SLC25A24: variants seen among roughly 807,000 people sequenced by gnomAD.
SLC25A24 encodes mitochondrial adenyl nucleotide antiporter SLC25A24.
SLC25A24 carries 49 observed loss-of-function variants against 60.7 expected under a neutral mutation model. That is an observed-to-expected ratio of 0.81 (90% CI 0.64 to 1.02). SLC25A24 has a LOEUF of 1.02. Ranked by LOEUF, SLC25A24 falls within the 50% of genes least tolerant of loss-of-function variation. The probability of loss-of-function intolerance (pLI) is 0.00; values close to 1 mark genes in which losing one functional copy is unlikely to be tolerated. For missense variants in SLC25A24, 564 were observed against 586.3 expected (o/e 0.96, Z 0.39); for synonymous variants, 202 against 200.6 (o/e 1.01, Z -0.06).
intron 6 of SLC25A24, among the ~76,000 whole-genome samples, chr1:108,150,271 C>T (rs1679721952): frequency 1.3e-5 from 2 of 152,238 alleles, no homozygotes; most frequent in South Asian, 4.1e-4. Context: ...ATACCATATA[C>T]AAAGGGAAGA....
At chr1:108,191,218 A>G in intron 1 of SLC25A24, among the ~76,000 whole-genome samples, 1 of 138,296 alleles carries the variant, frequency 7.2e-6, no homozygotes. Context: ...GCTTGCTGCA[A>G]CCTCTGCCTC....
intron 7 of SLC25A24, among the ~76,000 whole-genome samples, chr1:108,144,708 G>A (rs971183826): frequency 6.6e-6 from 1 of 152,136 alleles, no homozygotes; most frequent in African/African-American, 2.4e-5. Context: ...GTGTTAGGTT[G>A]CTGAGAATGA....
chr1:108,200,289 G>T lies in SLC25A24; in HGVS notation c.-151C>A, dbSNP rs1571315545. ...TCGGGGTTGCGGCTGCGGCGCGCAG[G>T]GCGCAGGGCGCAGGAGCGGAGACCC... On this transcript the variant is annotated 5_prime_UTR_variant, in exon 1 of 10. Coordinates refer to ENST00000565488, the MANE Select transcript of SLC25A24 (RefSeq NM_013386.5). 5.5e-6 allele frequency: 2 copies of T among 365,794 alleles called. No homozygotes were observed. The highest frequency in any genetic ancestry group is 7.2e-5 in the South Asian group (1 of 13,948). 22.7% of individuals were successfully genotyped at this position (365,794 alleles called of 1,614,324 possible).
At chr1:108,153,878 C>T (rs150312318) in intron 6 of SLC25A24, among the ~76,000 whole-genome samples, 341 of 152,202 alleles carry the variant, frequency 2.2e-3, no homozygotes, top group African/African-American at 7.3e-3. Flanking sequence ...ACTGAAATAA[C>T]TGCATTGAGT....
chr1:108,183,669 C>T (rs993278318), intron 2 of SLC25A24, among the ~76,000 whole-genome samples: 3 of 152,128 alleles, frequency 2.0e-5, no homozygotes, highest in Admixed American at 6.5e-5. Flanking sequence ...CTTTCTTGCA[C>T]TTAGGAACAC....
chr1:108,175,050 G>A (rs761391479), intron 3 of SLC25A24, among the ~76,000 whole-genome samples: 29 of 152,178 alleles, frequency 1.9e-4, no homozygotes, highest in Admixed American at 8.5e-4. Flanking sequence ...GAGTTAAGAC[G>A]CTGAGGGACT....
Position 108,136,434 on chromosome 1 carries a change from T to C in SLC25A24, c.*219A>G. ...ATTATTAAGAAAAGATAAAGTATAA[T>C]TGTGTGGCCTTTTCAAAACACATTA... is the stretch of plus-strand genomic sequence containing the variant. On this transcript the variant is annotated 3_prime_UTR_variant, in exon 10 of 10. Transcript: ENST00000565488. 2.1e-6 allele frequency: 1 copy of C among 472,380 alleles called. No individual in the cohort carries two copies. The highest frequency in any genetic ancestry group is 3.7e-6 in the Non-Finnish European group (1 of 268,306). 29.3% of individuals were successfully genotyped at this position (472,380 alleles called of 1,614,324 possible). A position where few individuals can be genotyped will look rare whatever the true frequency, so the allele number is the denominator to read the frequency against.
chr1:108,182,058 A>T (rs1414172984), intron 2 of SLC25A24, 30 bp from the exon 3 acceptor site: 2 of 1,389,888 alleles, frequency 1.4e-6, no homozygotes, highest in East Asian at 4.6e-5. Flanking sequence ...GCAAAAAATA[A>T]AACTCAGAAC....
At chr1:108,167,330 T>C (rs2101625055) in intron 3 of SLC25A24, among the ~76,000 whole-genome samples, 1 of 152,224 alleles carries the variant, frequency 6.6e-6, no homozygotes, top group East Asian at 1.9e-4. Flanking sequence ...CAGTTTGAGC[T>C]TCCCGGCTGC....
chr1:108,137,999 G>A (rs1010771813), intron 9 of SLC25A24, among the ~76,000 whole-genome samples: 3 of 152,206 alleles, frequency 2.0e-5, no homozygotes, highest in African/African-American at 7.2e-5. Context: ...CAACTGGAAT[G>A]TTTTCTGTTC....
Position 108,189,583 on chromosome 1 carries a change from G to C in SLC25A24, c.184-3629C>G, listed in dbSNP as rs141610616. On this transcript the variant is annotated intron_variant, in intron 1 of 9. Coordinates refer to ENST00000565488, the MANE Select transcript of SLC25A24 (RefSeq NM_013386.5). ...TAATCCCAGCAGTTTGGGAGGCCAA[G>C]GTGGGCGGATCACTTGAGGTCAGAA... 3.6e-3 allele frequency among the ~76,000 whole-genome samples: 545 copies of C among 152,304 alleles called. 14 individuals are homozygous for C. The highest frequency in any genetic ancestry group is 0.032 in the Admixed American group (496 of 15,292).
At chr1:108,177,291 C>T (rs931144356) in intron 3 of SLC25A24, among the ~76,000 whole-genome samples, 1 of 151,870 alleles carries the variant, frequency 6.6e-6, no homozygotes, top group African/African-American at 2.4e-5. Flanking sequence ...GAAATCAAAA[C>T]ATACCACTAG....
At chr1:108,153,096 T>C (rs769982006) in intron 6 of SLC25A24, among the ~76,000 whole-genome samples, 1 of 152,012 alleles carries the variant, frequency 6.6e-6, no homozygotes, top group Non-Finnish European at 1.5e-5. Flanking sequence ...ACCTACAGTG[T>C]TGAGATAAAG....
rs568954148 is a variant in SLC25A24, at chr1:108,152,513, C to T, written c.822+2470G>A. On this transcript the variant is annotated intron_variant, in intron 6 of 9. Coordinates refer to ENST00000565488, the MANE Select transcript of SLC25A24 (RefSeq NM_013386.5). ...TCCTGAGTACAGGCACACACCCCCA[C>T]GCCCAACTAATTTTTATATTTTTTG... Among the ~76,000 whole-genome samples, 11 of 152,238 alleles carry T rather than the reference C, an allele frequency of 7.2e-5. No homozygotes were observed. In the East Asian group the frequency reaches 1.9e-3, roughly 27 times the overall value.
At position 108,174,899 on chromosome 1, in the gene SLC25A24, A is replaced by G. The variant is rs576194154; in HGVS notation, c.398+7042T>C. On this transcript the variant is annotated intron_variant, in intron 3 of 9. Transcript: ENST00000565488. ...TGGCCAATTTCTCCCATTTGGAACA[A>G]GTATATTTAATCAATGCCTGTACCC... is the stretch of plus-strand genomic sequence containing the variant. 8.5e-5 allele frequency among the ~76,000 whole-genome samples: 13 copies of G among 152,318 alleles called. No individual in the cohort carries two copies. In the South Asian group the frequency reaches 2.7e-3, roughly 32 times the overall value.
intron 3 of SLC25A24, among the ~76,000 whole-genome samples, chr1:108,180,190 C>A (rs1406491170): frequency 6.7e-6 from 1 of 150,008 alleles, no homozygotes; most frequent in Non-Finnish European, 1.5e-5. Flanking sequence ...ATGGTGCAAA[C>A]CCGTCTCTAG....
At chr1:108,172,452 A>C (rs1242937712) in intron 3 of SLC25A24, among the ~76,000 whole-genome samples, 1 of 152,208 alleles carries the variant, frequency 6.6e-6, no homozygotes, top group African/African-American at 2.4e-5. Context: ...AGACCTCAGG[A>C]AGCTTTTACT....
chr1:108,173,241 A>C (rs897164227), intron 3 of SLC25A24, among the ~76,000 whole-genome samples: 5 of 152,060 alleles, frequency 3.3e-5, no homozygotes, highest in African/African-American at 9.7e-5. Flanking sequence ...CATAATTTCC[A>C]TGTGTCACGG....
intron 3 of SLC25A24, among the ~76,000 whole-genome samples, chr1:108,173,713 A>G (rs1647565752): frequency 6.6e-6 from 1 of 152,194 alleles, no homozygotes; most frequent in African/African-American, 2.4e-5. Context: ...TCAGAAGACA[A>G]AAAGAGGTGG....
Sources: allele counts gnomAD v4.1 joint callset (sites outside exome capture counted in the v4.1 genomes callset), GRCh38; gene constraint gnomAD v4.1.1; transcripts MANE v1.5; gene names NCBI Gene and HGNC (gene_info 2026-07-23, HGNC 2026-07-21).